The following RBFOX3 variants were observed in gnomAD, a reference collection of about 807,000 sequenced individuals.
RBFOX3 encodes RNA binding fox-1 homolog 3.
A neutral mutation model predicts 48.7 loss-of-function variants in RBFOX3; 17 were observed. The observed-to-expected ratio is 0.35, with a 90% CI of 0.24 to 0.52. RBFOX3 has a LOEUF of 0.52. Ranked by LOEUF, RBFOX3 falls within the 20% of genes least tolerant of loss-of-function variation. The pLI is 0.94. For missense variants in RBFOX3, 382 were observed against 497.5 expected, an observed-to-expected ratio of 0.77 and a Z score of 2.21; for synonymous variants, 212 against 209.5, an observed-to-expected ratio of 1.01 and a Z score of -0.10.
At chr17:79,558,998 G>C (rs2091984279) in intron 1 of RBFOX3, among the ~76,000 whole-genome samples, 1 of 152,158 alleles carries the variant, frequency 6.6e-6, no homozygotes, top group South Asian at 2.1e-4. Flanking sequence ...AGGGGCAGCA[G>C]CTGGACTCCT....
At chr17:79,510,777 G>A (rs2149842785) in intron 1 of RBFOX3, among the ~76,000 whole-genome samples, 1 of 152,246 alleles carries the variant, frequency 6.6e-6, no homozygotes, top group African/African-American at 2.4e-5. Context: ...TTTCCTTTGG[G>A]CGCCTCCCTT....
intron 4 of RBFOX3, among the ~76,000 whole-genome samples, chr17:79,155,091 C>A (rs1247438248): frequency 1.3e-5 from 2 of 152,200 alleles, no homozygotes; most frequent in African/African-American, 2.4e-5. Flanking sequence ...CACGTGAGCT[C>A]GGCCCAGCGG....
intron 3 of RBFOX3, among the ~76,000 whole-genome samples, chr17:79,260,800 T>C (rs1309342339): frequency 6.6e-6 from 1 of 152,122 alleles, no homozygotes; most frequent in Non-Finnish European, 1.5e-5. Flanking sequence ...GGATTTTCAG[T>C]CCACATCACA....
the RBFOX3 span, among the ~76,000 whole-genome samples, chr17:79,621,651 T>A: frequency 6.6e-6 from 1 of 152,214 alleles, no homozygotes; most frequent in Admixed American, 6.5e-5. Flanking sequence ...CATAACCCAG[T>A]GTCCTTCAGA....
chr17:79,656,445 C>G, the RBFOX3 span, among the ~76,000 whole-genome samples: 2 of 152,242 alleles, frequency 1.3e-5, no homozygotes, highest in East Asian at 3.9e-4. Flanking sequence ...GAAACCCCAT[C>G]TCTACTAAAA....
At chr17:79,476,828 G>A (rs1371714071) in intron 2 of RBFOX3, among the ~76,000 whole-genome samples, 1 of 151,418 alleles carries the variant, frequency 6.6e-6, no homozygotes, top group African/African-American at 2.4e-5. Flanking sequence ...GACAGAGAGA[G>A]ACAGACAGAG....
At chr17:79,315,088 C>T (rs568660893) in intron 2 of RBFOX3, among the ~76,000 whole-genome samples, 6 of 152,166 alleles carry the variant, frequency 3.9e-5, no homozygotes, top group South Asian at 2.1e-4. Context: ...ATTATACATG[C>T]GTGACACAAA....
intron 8 of RBFOX3, among the ~76,000 whole-genome samples, chr17:79,102,571 A>T (rs2076645353): frequency 6.6e-6 from 1 of 152,158 alleles, no homozygotes; most frequent in Non-Finnish European, 1.5e-5. Flanking sequence ...ACCCCTGGGG[A>T]GCAGGGAAGG....
chr17:79,629,954 G>A, the RBFOX3 span, among the ~76,000 whole-genome samples: 2 of 152,124 alleles, frequency 1.3e-5, no homozygotes, highest in Middle Eastern at 3.2e-3. Context: ...GCCTGGCAGT[G>A]GTTTCCTCTG....
chr17:79,627,821 C>CA, the RBFOX3 span, among the ~76,000 whole-genome samples: 2 of 150,144 alleles, frequency 1.3e-5, no homozygotes, highest in Admixed American at 6.6e-5. Context: ...CTGTCTCCTC[C>CA]AGGCTTCCAA....
rs556870522 is a variant in RBFOX3, at chr17:79,223,144, GTTCCAGTGT to G, written c.-34+12613_-34+12621del. Among the ~76,000 whole-genome samples the G allele has an allele frequency of 2.2e-4, 33 of 152,278 alleles. No individual in the cohort carries two copies. The East Asian group carries it at 6.0e-3, about 28-fold the overall frequency. ...ACAGGCAGGGCCTCTGCCAAGTTAA[GTTCCAGTGT>G]TTCTGCTCTAAAACTCCACACCTTG... is the stretch of plus-strand genomic sequence containing the variant. On this transcript the variant is annotated intron_variant, in intron 4 of 14. Coordinates refer to ENST00000693108, the MANE Select transcript of RBFOX3 (RefSeq NM_001350451.2).
chr17:79,630,635 G>A, the RBFOX3 span, among the ~76,000 whole-genome samples: 324 of 152,162 alleles, frequency 2.1e-3, no homozygotes, highest in Non-Finnish European at 3.3e-3. Flanking sequence ...GGCCCAGCCC[G>A]TGTTAATTAT....
chr17:79,481,054 C>T lies in RBFOX3; in HGVS notation c.-175+1400G>A, dbSNP rs2078705419. Among the ~76,000 whole-genome samples the T allele has an allele frequency of 6.6e-6, 1 of 152,122 alleles. No individual in the cohort carries two copies. Among genetic ancestry groups the T allele is most frequent in the Admixed American group, 6.5e-5 (1 of 15,278 alleles). ...GGAGCCCTGGAGCAGAGAAGAGCAC[C>T]CATGGCCTTCACCAGAGAGAAGCAA... On this transcript the variant is annotated intron_variant, in intron 2 of 14. Coordinates refer to ENST00000693108, the MANE Select transcript of RBFOX3 (RefSeq NM_001350451.2). This position sits in a 1 kb window ranked among gnomAD's most constrained non-coding sequence, Gnocchi z 5.4.
At chr17:79,629,923 G>T in the RBFOX3 span, among the ~76,000 whole-genome samples, 17 of 152,192 alleles carry the variant, frequency 1.1e-4, no homozygotes, top group Non-Finnish European at 8.8e-5. Context: ...TCCGAAGCAG[G>T]CTGGAAGGAC....
chr17:79,506,781 G>A (rs959838618), intron 1 of RBFOX3, among the ~76,000 whole-genome samples: 11 of 152,196 alleles, frequency 7.2e-5, no homozygotes, highest in African/African-American at 2.7e-4. Context: ...GAATCAGGAT[G>A]GGGGCCGCAG....
intron 1 of RBFOX3, among the ~76,000 whole-genome samples, chr17:79,530,030 A>C (rs1218467321): frequency 6.6e-6 from 1 of 152,042 alleles, no homozygotes; most frequent in Non-Finnish European, 1.5e-5. Context: ...AAGTTCGCCG[A>C]CCCCTGCTTC....
intron 4 of RBFOX3, among the ~76,000 whole-genome samples, chr17:79,168,943 C>T (rs1045740601): frequency 1.3e-5 from 2 of 152,188 alleles, no homozygotes; most frequent in Admixed American, 6.5e-5. Flanking sequence ...GCAATGCAGC[C>T]GTGGCCCCAG....
chr17:79,120,454 G>A (rs2035391330), intron 4 of RBFOX3, among the ~76,000 whole-genome samples: 1 of 151,324 alleles, frequency 6.6e-6, no homozygotes, highest in African/African-American at 2.4e-5. Context: ...TGGGTAGATG[G>A]ATGAGTGAAT....
chr17:79,589,752 C>A (rs1038272804), intron 1 of RBFOX3, among the ~76,000 whole-genome samples: 1 of 152,192 alleles, frequency 6.6e-6, no homozygotes, highest in Admixed American at 6.5e-5. Context: ...CAACCCAATA[C>A]CCCCATGTGG....
Sources: gnomAD v4.1 joint callset for allele counts (sites outside exome capture counted in the v4.1 genomes callset) on GRCh38, gnomAD v4.1.1 for gene constraint, Gnocchi (gnomAD v3.1) non-coding constraint, MANE v1.5 for transcripts, NCBI Gene and HGNC (gene_info 2026-07-23, HGNC 2026-07-21) for gene names.